MACROD2: variants seen among roughly 807,000 people sequenced by gnomAD.
MACROD2 encodes the protein ADP-ribose glycohydrolase MACROD2.
In MACROD2, 36 loss-of-function variants were observed where a neutral mutation model predicts 70.4. That is an observed-to-expected ratio of 0.51 (90% CI 0.39 to 0.68). The LOEUF is 0.68. Among genes scored for constraint, MACROD2 ranks in the 30% least tolerant of loss-of-function variants. The pLI is 0.00. For missense variants in MACROD2, 496 were observed against 538.4 expected (o/e 0.92, Z 0.78); for synonymous variants, 172 against 178.8 (o/e 0.96, Z 0.30).
intron 8 of MACROD2, among the ~76,000 whole-genome samples, chr20:15,652,836 G>T (rs1370927710): frequency 6.6e-6 from 1 of 151,872 alleles, no homozygotes; most frequent in East Asian, 1.9e-4. Flanking sequence ...TCTTCCACAG[G>T]GTTGGTTGTT....
intron 5 of MACROD2, among the ~76,000 whole-genome samples, chr20:15,085,863 ACACACACACAAC>A (rs1317486361): frequency 8.0e-6 from 1 of 124,606 alleles, no homozygotes; most frequent in African/African-American, 3.1e-5. Context: ...TGAATAACAC[ACACACACACAAC>A]ACACACACAC....
chr20:14,150,456 G>C (rs1040331345), intron 3 of MACROD2, among the ~76,000 whole-genome samples: 1 of 152,132 alleles, frequency 6.6e-6, no homozygotes, highest in Non-Finnish European at 1.5e-5. Context: ...ACAAAAGCAA[G>C]TCAGTGTTAG....
At chr20:14,729,367 A>G (rs1161708026) in intron 5 of MACROD2, among the ~76,000 whole-genome samples, 1 of 152,192 alleles carries the variant, frequency 6.6e-6, no homozygotes, top group African/African-American at 2.4e-5. Flanking sequence ...CATGAAAAAC[A>G]CTTAATATAT....
intron 8 of MACROD2, among the ~76,000 whole-genome samples, chr20:15,839,843 A>G (rs1426931507): frequency 6.6e-6 from 1 of 152,146 alleles, no homozygotes; most frequent in Admixed American, 6.5e-5. Flanking sequence ...ATTATTTATT[A>G]TGTTGCAATA....
In MACROD2 at chr20:14,264,480, A is replaced by G. The variant is rs1275240001; in HGVS notation, c.271+178752A>G. Reference sequence around the variant, plus strand: ...GGTGTTGAAGTCAGCAGTGATTATAACATTTTTTAGGGTAAAAAGGAAGAC... The same window carrying G: ...GGTGTTGAAGTCAGCAGTGATTATAGCATTTTTTAGGGTAAAAAGGAAGAC... On this transcript the variant is annotated intron_variant, in intron 3 of 17. Transcript: ENST00000684519. 2.6e-5 allele frequency among the ~76,000 whole-genome samples: 4 copies of G among 152,186 alleles called. No homozygotes were observed. In the East Asian group the frequency reaches 7.7e-4, roughly 29 times the overall value.
chr20:15,004,783 T>C (rs1209602453), intron 5 of MACROD2, among the ~76,000 whole-genome samples: 20 of 152,230 alleles, frequency 1.3e-4, no homozygotes. Flanking sequence ...TACTGTTAAA[T>C]GCAACTTATT....
chr20:14,142,837 G>C (rs1161229182), intron 3 of MACROD2, among the ~76,000 whole-genome samples: 1 of 152,060 alleles, frequency 6.6e-6, no homozygotes, highest in Non-Finnish European at 1.5e-5. Flanking sequence ...TGTTATCTGA[G>C]ATTCTGTTTA....
chr20:15,778,045 C>G (rs572518538), intron 8 of MACROD2, among the ~76,000 whole-genome samples: 13 of 152,312 alleles, frequency 8.5e-5, no homozygotes, highest in Admixed American at 5.9e-4. Flanking sequence ...TATGCACAGA[C>G]ACTGTGCCAA....
chr20:14,142,808 C>T (rs2054894558), intron 3 of MACROD2, among the ~76,000 whole-genome samples: 1 of 152,038 alleles, frequency 6.6e-6, no homozygotes, highest in African/African-American at 2.4e-5. Context: ...TAGCCAAATA[C>T]TCCGTCATTA....
intron 5 of MACROD2, among the ~76,000 whole-genome samples, chr20:15,074,865 A>G (rs947491694): frequency 4.6e-5 from 7 of 152,198 alleles, no homozygotes; most frequent in African/African-American, 1.4e-4. Context: ...AGGCATTCAT[A>G]TGGAATGTCA....
intron 5 of MACROD2, among the ~76,000 whole-genome samples, chr20:15,124,916 AC>A (rs1235078495): frequency 6.6e-6 from 1 of 151,972 alleles, no homozygotes; most frequent in Non-Finnish European, 1.5e-5. Flanking sequence ...TGAAAAAAAC[AC>A]AAGTTCATTA....
chr20:14,328,458 T>A (rs2082774746), intron 3 of MACROD2, among the ~76,000 whole-genome samples: 1 of 152,150 alleles, frequency 6.6e-6, no homozygotes, highest in African/African-American at 2.4e-5. Flanking sequence ...CAACTTTTTC[T>A]ATGGCTGGCA....
chr20:15,178,859 C>G (rs1028654894), intron 5 of MACROD2, among the ~76,000 whole-genome samples: 9 of 152,188 alleles, frequency 5.9e-5, no homozygotes, highest in African/African-American at 2.2e-4. Flanking sequence ...TTCCATGGCT[C>G]TCTATGCTTT....
At chr20:15,813,611 CTA>C (rs2063842668) in intron 8 of MACROD2, among the ~76,000 whole-genome samples, 1 of 152,074 alleles carries the variant, frequency 6.6e-6, no homozygotes, top group Admixed American at 6.6e-5. Flanking sequence ...GATCTTGTCT[CTA>C]TAAAAAATAT....
intron 5 of MACROD2, among the ~76,000 whole-genome samples, chr20:15,213,854 G>T (rs969206131): frequency 1.3e-5 from 2 of 151,890 alleles, no homozygotes; most frequent in South Asian, 4.2e-4. Context: ...GAAGGACAGT[G>T]CTCTTTCTAT....
chr20:14,579,075 T>C (rs908436870), intron 4 of MACROD2, among the ~76,000 whole-genome samples: 10 of 150,578 alleles, frequency 6.6e-5, no homozygotes, highest in Non-Finnish European at 1.2e-4. Context: ...TTGCCCATAT[T>C]AAAAAACATA....
At chr20:15,853,173 C>T (rs1234937465) in intron 8 of MACROD2, among the ~76,000 whole-genome samples, 2 of 152,110 alleles carry the variant, frequency 1.3e-5, no homozygotes, top group Non-Finnish European at 2.9e-5. Flanking sequence ...TATTTCCATG[C>T]CAGCACCAGG....
chr20:15,669,679 G>T (rs1310026613), intron 8 of MACROD2, among the ~76,000 whole-genome samples: 1 of 152,194 alleles, frequency 6.6e-6, no homozygotes, highest in African/African-American at 2.4e-5. Context: ...TAGGGAATTT[G>T]CCTGGCAAGA....
At chr20:15,292,131 C>G (rs1000652722) in intron 6 of MACROD2, among the ~76,000 whole-genome samples, 1 of 152,150 alleles carries the variant, frequency 6.6e-6, no homozygotes, top group Non-Finnish European at 1.5e-5. Flanking sequence ...CCATCTCAGC[C>G]TCCTGAATAG....
Sources: gnomAD v4.1 joint callset for allele counts (sites outside exome capture counted in the v4.1 genomes callset) on GRCh38, gnomAD v4.1.1 for gene constraint, MANE v1.5 for transcripts, NCBI Gene and HGNC (gene_info 2026-07-23, HGNC 2026-07-21) for gene names.